Variants in SUGCT observed in about 807,000 individuals in gnomAD.
SUGCT encodes the protein succinyl-CoA:glutarate CoA-transferase.
Under a neutral mutation model 55.0 loss-of-function variants are expected in SUGCT, and 41 were observed. That is an observed-to-expected ratio of 0.74 (90% CI 0.58 to 0.97). The LOEUF (loss-of-function observed/expected upper bound fraction) is 0.97, where lower values mean the gene tolerates loss of function less well. Ranked by LOEUF, SUGCT falls within the 50% of genes least tolerant of loss-of-function variation. The pLI, the probability that SUGCT is intolerant of heterozygous loss-of-function variation, is 0.00. For missense variants in SUGCT, 568 were observed against 547.8 expected (o/e 1.04, Z -0.37); for synonymous variants, 187 against 200.4 (o/e 0.93, Z 0.56).
At chr7:41,013,296 C>T in the SUGCT span, among the ~76,000 whole-genome samples, 2 of 152,106 alleles carry the variant, frequency 1.3e-5, no homozygotes, top group African/African-American at 2.4e-5. Context: ...CATTTGGTAC[C>T]GCGTTCTTCT....
chr7:40,206,485 G>A (rs1238551769), intron 6 of SUGCT, among the ~76,000 whole-genome samples: 1 of 152,186 alleles, frequency 6.6e-6, no homozygotes, highest in East Asian at 1.9e-4. Flanking sequence ...ATACCAGATT[G>A]TGGAATCAGT....
intron 9 of SUGCT, among the ~76,000 whole-genome samples, chr7:40,410,682 G>C (rs562808640): frequency 6.6e-6 from 1 of 152,046 alleles, no homozygotes; most frequent in Non-Finnish European, 1.5e-5. Flanking sequence ...ATTTCTCTAG[G>C]AGGCATAGGT....
chr7:40,180,928 G>A lies in SUGCT; in HGVS notation c.101-19G>A. ...AATTACTAATGAATTATCTTGAAAT[G>A]TTTTCTCTGTTTTGCCAGATATGAA... On this transcript the variant is annotated intron_variant, in intron 1 of 13. Transcript: ENST00000335693. 6.4e-7 allele frequency: 1 copy of A among 1,572,210 alleles called. No homozygotes were observed. Among genetic ancestry groups the A allele is most frequent in the Non-Finnish European group, 8.7e-7 (1 of 1,146,712 alleles).
chr7:40,629,185 A>G (rs960384337), intron 12 of SUGCT, among the ~76,000 whole-genome samples: 1 of 152,114 alleles, frequency 6.6e-6, no homozygotes, highest in African/African-American at 2.4e-5. Context: ...ACAGCTACAT[A>G]CAGCCGACAC....
At chr7:40,149,489 T>C (rs1788434493) in intron 1 of SUGCT, among the ~76,000 whole-genome samples, 1 of 152,210 alleles carries the variant, frequency 6.6e-6, no homozygotes, top group South Asian at 2.1e-4. Context: ...AGCCATAAGA[T>C]TAGAAATTAT....
intron 13 of SUGCT, among the ~76,000 whole-genome samples, chr7:40,773,428 C>T (rs570632591): frequency 1.7e-4 from 26 of 152,202 alleles, no homozygotes; most frequent in Admixed American, 1.2e-3. Context: ...TGTGCCCGGC[C>T]GTATCTTTTT....
At chr7:40,656,253 G>T (rs1486759977) in intron 12 of SUGCT, among the ~76,000 whole-genome samples, 2 of 144,484 alleles carry the variant, frequency 1.4e-5, no homozygotes, top group Admixed American at 6.9e-5. Context: ...TTTTTTAATA[G>T]ACAAGATGTC....
chr7:40,514,316 T>C (rs1035274569), intron 12 of SUGCT, among the ~76,000 whole-genome samples: 1 of 152,088 alleles, frequency 6.6e-6, no homozygotes, highest in African/African-American at 2.4e-5. Flanking sequence ...ATTTCATGAG[T>C]GCCAGCTGTG....
chr7:40,638,630 C>A (rs1292980182), intron 12 of SUGCT, among the ~76,000 whole-genome samples: 1 of 152,136 alleles, frequency 6.6e-6, no homozygotes, highest in Non-Finnish European at 1.5e-5. Context: ...TGAATTTGTC[C>A]TTTCTGCCTT....
intron 9 of SUGCT, among the ~76,000 whole-genome samples, chr7:40,378,822 C>T (rs553846972): frequency 3.2e-4 from 48 of 152,252 alleles, no homozygotes; most frequent in African/African-American, 1.1e-3. Flanking sequence ...TTTAATTCTC[C>T]GAACATATTT....
chr7:40,490,860 G>T (rs1259221407), intron 11 of SUGCT, among the ~76,000 whole-genome samples: 2 of 152,066 alleles, frequency 1.3e-5, no homozygotes, highest in Admixed American at 6.6e-5. Context: ...AAGATTTTCT[G>T]CAAGACATAC....
chr7:40,799,160 A>C (rs1371148130), intron 13 of SUGCT, among the ~76,000 whole-genome samples: 1 of 152,180 alleles, frequency 6.6e-6, no homozygotes, highest in Non-Finnish European at 1.5e-5. Flanking sequence ...TACCTCTTCC[A>C]TGAAGAGATC....
At chr7:40,711,598 C>T (rs1026700265) in intron 12 of SUGCT, among the ~76,000 whole-genome samples, 26 of 152,274 alleles carry the variant, frequency 1.7e-4, no homozygotes, top group African/African-American at 5.8e-4. Context: ...TAAAAACTGC[C>T]ATACCCATTT....
chr7:40,140,312 T>G (rs1415112488), intron 1 of SUGCT, among the ~76,000 whole-genome samples: 1 of 152,236 alleles, frequency 6.6e-6, no homozygotes, highest in Non-Finnish European at 1.5e-5. Flanking sequence ...CTTTCCCCAG[T>G]AAATGTTGTC....
intron 9 of SUGCT, among the ~76,000 whole-genome samples, chr7:40,335,165 A>G (rs1438581395): frequency 2.6e-5 from 4 of 152,252 alleles, no homozygotes; most frequent in African/African-American, 7.2e-5. Flanking sequence ...GCCTTGTAGT[A>G]TAGTTTGAAG....
chr7:40,491,452 A>G (rs1791672693), intron 11 of SUGCT, among the ~76,000 whole-genome samples: 1 of 152,178 alleles, frequency 6.6e-6, no homozygotes, highest in Admixed American at 6.5e-5. Flanking sequence ...TCCTAGGTTT[A>G]TGAAGGAAAT....
chr7:40,988,846 G>A, the SUGCT span, among the ~76,000 whole-genome samples: 5 of 151,968 alleles, frequency 3.3e-5, no homozygotes, highest in South Asian at 8.3e-4. Context: ...TTAATATATG[G>A]CTTTGCCAAT....
chr7:40,954,541 G>A, the SUGCT span, among the ~76,000 whole-genome samples: 18 of 152,258 alleles, frequency 1.2e-4, no homozygotes, highest in Admixed American at 3.9e-4. Context: ...CTTCTGCGTC[G>A]CTCACACTGG....
intron 11 of SUGCT, among the ~76,000 whole-genome samples, chr7:40,486,837 T>C (rs1161603029): frequency 6.6e-6 from 1 of 151,080 alleles, no homozygotes; most frequent in East Asian, 2.0e-4. Context: ...GCGCTCCTCC[T>C]GCCCCAGCCT....
Sources: gnomAD v4.1 joint callset for allele counts (sites outside exome capture counted in the v4.1 genomes callset) on GRCh38, gnomAD v4.1.1 for gene constraint, MANE v1.5 for transcripts, NCBI Gene and HGNC (gene_info 2026-07-23, HGNC 2026-07-21) for gene names.